The following CYFIP1 variants were observed in gnomAD, a reference collection of about 807,000 sequenced individuals.
CYFIP1 encodes cytoplasmic FMR1-interacting protein 1.
Under a neutral mutation model 163.5 loss-of-function variants are expected in CYFIP1, and 58 were observed. The ratio of observed to expected loss-of-function variants is 0.35; its 90% CI spans 0.29 to 0.44. The LOEUF (loss-of-function observed/expected upper bound fraction) is 0.44, where lower values mean the gene tolerates loss of function less well. Ranked by LOEUF, CYFIP1 falls within the 20% of genes least tolerant of loss-of-function variation. The pLI is 1.00. For synonymous variants in CYFIP1, 663 were observed against 660.7 expected, an observed-to-expected ratio of 1.00 and a Z score of -0.05; for missense variants, 1,338 against 1,653.8, an observed-to-expected ratio of 0.81 and a Z score of 3.31.
chr15:22,927,476 TC>T (rs2061391879), intron 12 of CYFIP1, among the ~76,000 whole-genome samples: 1 of 94,066 alleles, frequency 1.1e-5, no homozygotes, highest in Admixed American at 1.5e-4. Flanking sequence ...AGAGCGAAAC[TC>T]CGTCTCAAAA....
chr15:22,898,891 A>G (rs1008813338), intron 22 of CYFIP1, among the ~76,000 whole-genome samples: 1 of 152,006 alleles, frequency 6.6e-6, no homozygotes, highest in Non-Finnish European at 1.5e-5. Context: ...TAGTCCAGCT[A>G]ATCGGGAGGC....
rs539079459 is a variant in CYFIP1, at chr15:22,887,614, C to T, written c.2677-4603G>A. Among the ~76,000 whole-genome samples the T allele has an allele frequency of 7.2e-4, 109 of 152,328 alleles. 1 individual carries two copies. Among genetic ancestry groups the T allele is most frequent in the African/African-American group, 2.6e-3 (107 of 41,568 alleles). On this transcript the variant is annotated intron_variant, in intron 23 of 30. Transcript: ENST00000617928. ...CACTCAATGAACACATGGTCCCAGG[C>T]CTCTGGCCCCCTGCCCAGTGTCCGG...
At chr15:22,948,482 T>C (rs546298977) in intron 1 of CYFIP1, among the ~76,000 whole-genome samples, 1 of 152,094 alleles carries the variant, frequency 6.6e-6, no homozygotes, top group Non-Finnish European at 1.5e-5. Context: ...AAAATAAAAA[T>C]ATCAACATCC....
chr15:22,937,941 A>G (rs72696070), intron 8 of CYFIP1, among the ~76,000 whole-genome samples: 37,241 of 152,036 alleles, frequency 0.24, 5,134 homozygotes, highest in African/African-American at 0.37. Context: ...AGCCACCTGC[A>G]TGCTCCAGTG....
Position 22,926,007 on chromosome 15 carries a change from C to G in CYFIP1, c.1334G>C (p.Ser445Thr), listed in dbSNP as rs2061346439. The G allele has an allele frequency of 1.2e-6, 2 of 1,614,044 alleles. No homozygotes were observed. The highest frequency in any genetic ancestry group is 1.7e-6 in the Non-Finnish European group (2 of 1,179,930). Residue 445 changes from serine (S) to threonine (T), a missense_variant, in exon 13 of 31, where the codon AGC becomes ACC. By Grantham distance (58) the Ser-to-Thr change is moderately conservative. Transcript: ENST00000617928. ...CTCCACTAGGGCAAACTTCTCCTCG[C>G]TGGTGTAGTTGTAGCGCGTGGCACG... ...YERATRYNYT[S>T]EEKFALVEVI... is the part of the protein sequence containing the mutation.
chr15:22,907,344 C>T (rs7179820), intron 21 of CYFIP1, among the ~76,000 whole-genome samples: 49,725 of 151,976 alleles, frequency 0.33, 9,371 homozygotes, highest in African/African-American at 0.52. Context: ...GGGGTGCCAG[C>T]GTTGGCACAG....
At chr15:22,936,921 G>A (rs1157056046) in intron 9 of CYFIP1, among the ~76,000 whole-genome samples, 183 bp downstream of exon 9, 1 of 152,126 alleles carries the variant, frequency 6.6e-6, no homozygotes, top group Admixed American at 6.6e-5. Flanking sequence ...GGCAAAACCA[G>A]CACAGGGCAA....
intron 6 of CYFIP1, among the ~76,000 whole-genome samples, chr15:22,941,686 G>A (rs139706728): frequency 6.6e-6 from 1 of 151,996 alleles, no homozygotes; most frequent in Non-Finnish European, 1.5e-5. Context: ...GTGCTCAGGG[G>A]AACCTGGAGG....
chr15:22,916,445 C>G lies in CYFIP1; in HGVS notation c.1828+32G>C. ...CGGTGTTAGTGGTGTTAGGACATGC[C>G]AGGCCGGATGCTGCTCAGCAGTATC... On this transcript the variant is annotated intron_variant, in intron 16 of 30. Transcript: ENST00000617928. 3 of 1,521,242 alleles carry G rather than the reference C, an allele frequency of 2.0e-6. No individual in the cohort carries two copies. The South Asian group carries it at 3.5e-5, about 18-fold the overall frequency. The allele number at this position is 1,521,242 out of a possible 1,614,324, so 94.2% of individuals were successfully genotyped here.
intron 26 of CYFIP1, among the ~76,000 whole-genome samples, chr15:22,876,738 G>A (rs757725935): frequency 6.6e-6 from 1 of 152,008 alleles, no homozygotes; most frequent in Non-Finnish European, 1.5e-5. Context: ...GACTGAGGCA[G>A]GAGAATCACT....
chr15:22,911,070 G>A (rs546268477), intron 18 of CYFIP1, among the ~76,000 whole-genome samples: 42 of 152,198 alleles, frequency 2.8e-4, no homozygotes, highest in African/African-American at 1.0e-3. Flanking sequence ...AGCCTGGTGT[G>A]GTGGCACGTG....
At chr15:22,914,941 G>A (rs2060919188) in intron 16 of CYFIP1, 59 bp from the exon 17 acceptor site, 1 of 1,540,866 alleles carries the variant, frequency 6.5e-7, no homozygotes, top group Non-Finnish European at 8.8e-7. Flanking sequence ...ACCTTTAGCA[G>A]AGATGACACA....
Position 22,917,652 on chromosome 15 carries a change from C to G in CYFIP1, c.1674+136G>C, listed in dbSNP as rs1340576734. ...GTGGGAAACAGAGGAGCAGCAGAAA[C>G]CACAGGCGCCACTTTCTCTGCCTGA... is the stretch of plus-strand genomic sequence containing the variant. On this transcript the variant is annotated intron_variant, in intron 15 of 30. Transcript: ENST00000617928. This position sits in a 1 kb window ranked among gnomAD's most constrained non-coding sequence, Gnocchi z 4.2. The G allele has an allele frequency of 1.0e-5, 11 of 1,104,840 alleles. No homozygotes were observed. 68.4% of individuals were successfully genotyped at this position (1,104,840 alleles called of 1,614,324 possible).
At chr15:22,902,379 G>A (rs1024646601) in intron 22 of CYFIP1, among the ~76,000 whole-genome samples, 4 of 152,236 alleles carry the variant, frequency 2.6e-5, no homozygotes, top group African/African-American at 9.6e-5. Context: ...TGGTACTGCA[G>A]GGGTGCAGAC....
chr15:22,963,245 C>A (rs915409232), intron 1 of CYFIP1, among the ~76,000 whole-genome samples: 35 of 152,090 alleles, frequency 2.3e-4, no homozygotes. Flanking sequence ...GTGGCTCACA[C>A]CTGTAATCTC....
chr15:22,909,089 C>T (rs766702443), intron 21 of CYFIP1, 105 bp downstream of exon 21: 147 of 1,424,742 alleles, frequency 1.0e-4, no homozygotes, highest in Non-Finnish European at 1.3e-4. Flanking sequence ...ATACAAGAGG[C>T]TTGGTATAGG....
At chr15:22,899,895 A>G (rs1198440751) in intron 22 of CYFIP1, among the ~76,000 whole-genome samples, 1 of 152,084 alleles carries the variant, frequency 6.6e-6, no homozygotes, top group Non-Finnish European at 1.5e-5. Context: ...TAAAAATACA[A>G]AAATTAGCCG....
rs2059352941 is a variant in CYFIP1, at chr15:22,869,353, CACCTCAGCCTTAGAGGTG to C, written c.*657_*674del. 1 of 152,184 alleles carries C rather than the reference CACCTCAGCCTTAGAGGTG, an allele frequency of 6.6e-6. No individual in the cohort carries two copies. The highest frequency in any genetic ancestry group is 2.4e-5 in the African/African-American group (1 of 41,404). 9.4% of individuals were successfully genotyped at this position (152,184 alleles called of 1,614,324 possible). A position where few individuals can be genotyped will look rare whatever the true frequency, so the allele number is the denominator to read the frequency against. On this transcript the variant is annotated 3_prime_UTR_variant, in exon 31 of 31. Transcript: ENST00000617928. ...ATGGGATGGTGTCACGGTCCCATCC[CACCTCAGCCTTAGAGGTG>C]ACCTCCATCCCAGCTGGCCTGGTAT...
At chr15:22,895,016 A>G (rs538055230) in intron 22 of CYFIP1, among the ~76,000 whole-genome samples, 1 of 137,672 alleles carries the variant, frequency 7.3e-6, no homozygotes, top group South Asian at 2.4e-4. Flanking sequence ...TGCCTGGCTA[A>G]TTTTTTTTTT....
Sources: allele counts gnomAD v4.1 joint callset (sites outside exome capture counted in the v4.1 genomes callset), GRCh38; gene constraint gnomAD v4.1.1; non-coding constraint Gnocchi (gnomAD v3.1); transcripts MANE v1.5; gene names NCBI Gene and HGNC (gene_info 2026-07-23, HGNC 2026-07-21).